The following GRM8 variants were observed in gnomAD, a reference collection of about 807,000 sequenced individuals.
The protein encoded by GRM8 is metabotropic glutamate receptor 8.
Under a neutral mutation model 87.2 loss-of-function variants are expected in GRM8, and 47 were observed. The observed-to-expected ratio is 0.54, with a 90% CI of 0.43 to 0.69. The LOEUF is 0.69. GRM8 is among the 30% of genes least tolerant of loss of function. The pLI is 0.00. For missense variants in GRM8, 1,019 were observed against 1,139.2 expected, an observed-to-expected ratio of 0.89 and a Z score of 1.52; for synonymous variants, 396 against 404.5, an observed-to-expected ratio of 0.98 and a Z score of 0.25.
chr7:126,672,022 A>T (rs67157588), intron 7 of GRM8, among the ~76,000 whole-genome samples: 24,450 of 152,234 alleles, frequency 0.16, 2,263 homozygotes, highest in South Asian at 0.21. Flanking sequence ...CCAGAGGCAG[A>T]CAATAACAGA....
intron 7 of GRM8, among the ~76,000 whole-genome samples, chr7:126,732,777 T>G (rs1813741628): frequency 6.6e-6 from 1 of 152,112 alleles, no homozygotes. Flanking sequence ...TGAATCACTG[T>G]CCTCTGTACC....
intron 2 of GRM8, among the ~76,000 whole-genome samples, chr7:127,113,791 A>G (rs1826529887): frequency 6.6e-6 from 1 of 152,206 alleles, no homozygotes; most frequent in Admixed American, 6.5e-5. Context: ...TATTATAGCC[A>G]TTAACTTTGT....
chr7:126,937,336 G>C (rs1472473281), intron 3 of GRM8, among the ~76,000 whole-genome samples: 1 of 152,182 alleles, frequency 6.6e-6, no homozygotes, highest in Non-Finnish European at 1.5e-5. Context: ...ACAGCCAAAG[G>C]CTACTTTAAT....
chr7:127,083,862 G>A (rs1823145024), intron 3 of GRM8, among the ~76,000 whole-genome samples: 1 of 152,100 alleles, frequency 6.6e-6, no homozygotes, highest in African/African-American at 2.4e-5. Context: ...CTTCAGTACA[G>A]AATTTACCAA....
intron 9 of GRM8, among the ~76,000 whole-genome samples, chr7:126,474,084 A>C (rs1805617319): frequency 6.6e-6 from 1 of 151,934 alleles, no homozygotes; most frequent in African/African-American, 2.4e-5. Context: ...TCTCAGCAAT[A>C]TCTCATACAT....
chr7:126,884,669 A>G (rs2131023215), intron 6 of GRM8, among the ~76,000 whole-genome samples: 1 of 152,304 alleles, frequency 6.6e-6, no homozygotes, highest in African/African-American at 2.4e-5. Flanking sequence ...ACCTTGAAGT[A>G]TTTTTTAGGT....
chr7:126,806,773 G>A (rs1792795530), intron 6 of GRM8, among the ~76,000 whole-genome samples: 1 of 152,236 alleles, frequency 6.6e-6, no homozygotes, highest in Non-Finnish European at 1.5e-5. Flanking sequence ...GTCAAGCCCA[G>A]CAGGTGCCTG....
chr7:126,562,508 C>T (rs1436389987), intron 8 of GRM8, among the ~76,000 whole-genome samples: 2 of 152,124 alleles, frequency 1.3e-5, no homozygotes, highest in Non-Finnish European at 2.9e-5. Flanking sequence ...AAGAAATGCT[C>T]AGTTAATGTA....
intron 7 of GRM8, among the ~76,000 whole-genome samples, chr7:126,707,448 G>A (rs550334754): frequency 3.3e-5 from 5 of 152,078 alleles, no homozygotes; most frequent in African/African-American, 1.2e-4. Context: ...GTATGTATGT[G>A]GGGAAGGGGG....
chr7:126,507,160 C>T (rs888222235), intron 9 of GRM8, among the ~76,000 whole-genome samples: 2 of 151,940 alleles, frequency 1.3e-5, no homozygotes, highest in African/African-American at 2.4e-5. Context: ...AAATCACCTA[C>T]AGCCAAATAA....
intron 8 of GRM8, among the ~76,000 whole-genome samples, chr7:126,547,479 AT>A (rs1366728472): frequency 1.3e-5 from 2 of 151,874 alleles, no homozygotes; most frequent in Admixed American, 6.6e-5. Context: ...ATACATTATC[AT>A]TCATTATTAT....
chr7:126,669,736 A>T (rs1187381972), intron 7 of GRM8, among the ~76,000 whole-genome samples: 1 of 152,242 alleles, frequency 6.6e-6, no homozygotes. Flanking sequence ...GGTTACCATT[A>T]TAACAGGTAA....
chr7:126,887,663 A>G (rs570023410), intron 6 of GRM8, among the ~76,000 whole-genome samples: 2 of 152,252 alleles, frequency 1.3e-5, no homozygotes, highest in African/African-American at 4.8e-5. Context: ...TGAAGTTATT[A>G]AGAATTGAAA....
rs1011892639 is a variant in GRM8, at chr7:127,075,411, A to G, written c.727+31085T>C. On this transcript the variant is annotated intron_variant, in intron 3 of 10. Coordinates refer to ENST00000339582, the MANE Select transcript of GRM8 (RefSeq NM_000845.3). ...AAATGGAAGTGATTACAAAAAATAA[A>G]ATTGATAGAAATACACTAAAATATT... Among the ~76,000 whole-genome samples the G allele has an allele frequency of 2.6e-5, 4 of 152,244 alleles. No individual in the cohort carries two copies. The South Asian group carries it at 8.3e-4, about 31-fold the overall frequency.
At chr7:126,605,581 C>A (rs1424311372) in intron 8 of GRM8, among the ~76,000 whole-genome samples, 1 of 152,014 alleles carries the variant, frequency 6.6e-6, no homozygotes, top group African/African-American at 2.4e-5. Flanking sequence ...TATGCCTAAC[C>A]ATATACCCTC....
chr7:126,509,243 T>G (rs773979402), intron 9 of GRM8, among the ~76,000 whole-genome samples: 22 of 152,092 alleles, frequency 1.4e-4, no homozygotes, highest in Non-Finnish European at 2.6e-4. Context: ...GGTAGGTTAT[T>G]GCTGCAAGAG....
Position 127,121,261 on chromosome 7 carries a change from C to T in GRM8, c.511-14549G>A, listed in dbSNP as rs141635332. On this transcript the variant is annotated intron_variant, in intron 2 of 10. Transcript: ENST00000339582. ...TTAGCTCATTTTCAGGAGACTTGGC[C>T]TATAGAGGTTATAGAGCTGAATTAC... Among the ~76,000 whole-genome samples, 650 of 152,268 alleles carry T rather than the reference C, an allele frequency of 4.3e-3. 6 individuals carry two copies. Among genetic ancestry groups the T allele is most frequent in the Middle Eastern group, 0.01 (3 of 294 alleles).
rs376903570 is a variant in GRM8, at chr7:126,471,870, A to G, written c.2431-25498T>C. Among the ~76,000 whole-genome samples the G allele has an allele frequency of 3.3e-5, 5 of 152,092 alleles. No homozygotes were observed. The East Asian group carries it at 5.8e-4, about 18-fold the overall frequency. On this transcript the variant is annotated intron_variant, in intron 9 of 10. Coordinates refer to ENST00000339582, the MANE Select transcript of GRM8 (RefSeq NM_000845.3). ...TTTGTATCCTCTTTTATTTCATTGA[A>G]CAGTGGTTTGTAGTTCTCCTTGAAG...
chr7:126,628,517 T>C (rs1234945705), intron 7 of GRM8, among the ~76,000 whole-genome samples: 2 of 152,230 alleles, frequency 1.3e-5, no homozygotes, highest in East Asian at 3.9e-4. Flanking sequence ...GCAGTCAAAA[T>C]GGATGAACTA....
Sources: gnomAD v4.1 joint callset for allele counts (sites outside exome capture counted in the v4.1 genomes callset) on GRCh38, gnomAD v4.1.1 for gene constraint, MANE v1.5 for transcripts, NCBI Gene and HGNC (gene_info 2026-07-23, HGNC 2026-07-21) for gene names.